The following MACROD2 variants were observed in gnomAD, a reference collection of about 807,000 sequenced individuals.
MACROD2 encodes mono-ADP ribosylhydrolase 2.
Under a neutral mutation model 70.4 loss-of-function variants are expected in MACROD2, and 36 were observed. That is an observed-to-expected ratio of 0.51 (90% CI 0.39 to 0.68). MACROD2 has a LOEUF of 0.68. Among genes scored for constraint, MACROD2 ranks in the 30% least tolerant of loss-of-function variants. MACROD2 has a pLI of 0.00. For synonymous variants in MACROD2, 172 were observed against 178.8 expected (o/e 0.96, Z 0.30); for missense variants, 496 against 538.4 (o/e 0.92, Z 0.78).
chr20:14,700,825 C>T (rs2071188481), intron 5 of MACROD2, among the ~76,000 whole-genome samples: 1 of 152,032 alleles, frequency 6.6e-6, no homozygotes, highest in Admixed American at 6.6e-5. Context: ...ACTGGCACTG[C>T]TAGAGCTGTA....
intron 5 of MACROD2, among the ~76,000 whole-genome samples, chr20:14,722,784 C>T (rs981657283): frequency 7.2e-5 from 11 of 152,036 alleles, no homozygotes; most frequent in Non-Finnish European, 5.9e-5. Context: ...AAAACAAAAA[C>T]AAAAAGGTAT....
At chr20:14,781,481 A>C (rs1210207799) in intron 5 of MACROD2, among the ~76,000 whole-genome samples, 2 of 145,098 alleles carry the variant, frequency 1.4e-5, no homozygotes, top group African/African-American at 5.3e-5. Flanking sequence ...TCTTCCATCT[A>C]GTGTGCTATG....
intron 5 of MACROD2, among the ~76,000 whole-genome samples, chr20:15,005,773 G>C (rs566499565): frequency 1.1e-4 from 16 of 152,212 alleles, no homozygotes; most frequent in African/African-American, 2.9e-4. Context: ...CCTCAAACCA[G>C]CCTACCAAAC....
intron 5 of MACROD2, among the ~76,000 whole-genome samples, chr20:15,111,935 G>A (rs1367038707): frequency 6.6e-6 from 1 of 152,174 alleles, no homozygotes; most frequent in Non-Finnish European, 1.5e-5. Flanking sequence ...AAAACTCAGA[G>A]ATAGCTTCCT....
At chr20:15,039,617 G>A (rs1245071924) in intron 5 of MACROD2, among the ~76,000 whole-genome samples, 3 of 151,238 alleles carry the variant, frequency 2.0e-5, no homozygotes, top group East Asian at 4.0e-4. Context: ...TTCAAGGGAT[G>A]TTGTCAGGGA....
At chr20:15,741,258 A>ATT (rs1212650313) in intron 8 of MACROD2, among the ~76,000 whole-genome samples, 5,089 of 140,124 alleles carry the variant, frequency 0.036, 115 homozygotes, top group Non-Finnish European at 0.053. Context: ...CACCCGGCTA[A>ATT]TTTTTTTTTT....
chr20:15,460,845 T>G (rs913034737), intron 7 of MACROD2, among the ~76,000 whole-genome samples: 4 of 151,490 alleles, frequency 2.6e-5, no homozygotes, highest in Non-Finnish European at 5.9e-5. Flanking sequence ...AAATCAACTG[T>G]TTTCAGAATG....
chr20:14,579,465 A>G (rs1473793572), intron 4 of MACROD2, among the ~76,000 whole-genome samples: 5 of 151,946 alleles, frequency 3.3e-5, no homozygotes, highest in African/African-American at 4.8e-5. Context: ...CTTAATACAC[A>G]CTCTTTGACA....
At chr20:15,485,459 G>C (rs925107077) in intron 7 of MACROD2, among the ~76,000 whole-genome samples, 1 of 152,062 alleles carries the variant, frequency 6.6e-6, no homozygotes, top group Non-Finnish European at 1.5e-5. Flanking sequence ...AGGCTATCTT[G>C]TATCTGCTTA....
intron 6 of MACROD2, among the ~76,000 whole-genome samples, chr20:15,362,039 T>G (rs562069799): frequency 6.7e-5 from 10 of 149,500 alleles, no homozygotes; most frequent in Non-Finnish European, 1.3e-4. Flanking sequence ...TGAGACGGAG[T>G]CTCGCTCTGT....
intron 6 of MACROD2, among the ~76,000 whole-genome samples, chr20:15,287,226 A>G (rs535875013): frequency 1.3e-5 from 2 of 152,338 alleles, no homozygotes; most frequent in African/African-American, 4.8e-5. Context: ...ACTAACTGGC[A>G]GCAAGAAAGA....
At chr20:14,737,496 A>G (rs957267637) in intron 5 of MACROD2, among the ~76,000 whole-genome samples, 3 of 152,122 alleles carry the variant, frequency 2.0e-5, no homozygotes, top group Non-Finnish European at 2.9e-5. Context: ...GTCAAATGGT[A>G]TTTCTGGTTC....
At chr20:14,673,258 C>T (rs2070816874) in intron 4 of MACROD2, among the ~76,000 whole-genome samples, 1 of 152,142 alleles carries the variant, frequency 6.6e-6, no homozygotes. Context: ...AGAGTCAGGA[C>T]TCATGGTTTC....
intron 8 of MACROD2, among the ~76,000 whole-genome samples, chr20:15,624,138 G>A (rs2146736256): frequency 6.6e-6 from 1 of 152,250 alleles, no homozygotes; most frequent in East Asian, 1.9e-4. Flanking sequence ...TAAGTCCAAG[G>A]GTCCAACAGC....
At chr20:14,170,681 C>A (rs2081212546) in intron 3 of MACROD2, among the ~76,000 whole-genome samples, 2 of 152,164 alleles carry the variant, frequency 1.3e-5, no homozygotes, top group African/African-American at 4.8e-5. Context: ...ATCCCTGCAT[C>A]CCTGGTATGA....
chr20:14,882,994 A>G (rs2087088113), intron 5 of MACROD2, among the ~76,000 whole-genome samples: 3 of 152,136 alleles, frequency 2.0e-5, no homozygotes, highest in Admixed American at 2.0e-4. Context: ...GGGTGTTTGG[A>G]ATTAATTCAT....
At chr20:14,550,878 C>G (rs1978606054) in intron 4 of MACROD2, among the ~76,000 whole-genome samples, 1 of 23,316 alleles carries the variant, frequency 4.3e-5, no homozygotes, top group African/African-American at 1.1e-4. Flanking sequence ...TTATCAGTAG[C>G]AGTTTTTTTT....
chr20:14,846,696 T>C (rs1969522694), intron 5 of MACROD2, among the ~76,000 whole-genome samples: 1 of 152,024 alleles, frequency 6.6e-6, no homozygotes, highest in African/African-American at 2.4e-5. Context: ...TTTTTATATT[T>C]TTAGTAGAGA....
chr20:14,950,056 A>G (rs1363528089), intron 5 of MACROD2, among the ~76,000 whole-genome samples: 1 of 152,146 alleles, frequency 6.6e-6, no homozygotes, highest in Non-Finnish European at 1.5e-5. Context: ...AGGGTTGTCT[A>G]TGCTGTCACC....
Sources: gnomAD v4.1 joint callset for allele counts (sites outside exome capture counted in the v4.1 genomes callset) on GRCh38, gnomAD v4.1.1 for gene constraint, MANE v1.5 for transcripts, NCBI Gene and HGNC (gene_info 2026-07-23, HGNC 2026-07-21) for gene names.